ABCA9: variants seen among roughly 807,000 people sequenced by gnomAD.
The protein encoded by ABCA9 is ATP binding cassette subfamily A member 9, also known as ATP-binding cassette sub-family A member 9.
ABCA9 carries 183 observed loss-of-function variants against 205.3 expected under a neutral mutation model. That is an observed-to-expected ratio of 0.89 (90% CI 0.79 to 1.01). The LOEUF (loss-of-function observed/expected upper bound fraction) is 1.01, where lower values mean the gene tolerates loss of function less well. Among genes scored for constraint, ABCA9 ranks in the 50% least tolerant of loss-of-function variants. The probability of loss-of-function intolerance (pLI) is 0.00; values close to 1 mark genes in which losing one functional copy is unlikely to be tolerated. For synonymous variants in ABCA9, 651 were observed against 683.3 expected, an observed-to-expected ratio of 0.95 and a Z score of 0.74; for missense variants, 1,805 against 1,912.4, an observed-to-expected ratio of 0.94 and a Z score of 1.05.
chr17:68,982,228 G>A (rs2069079589), intron 37 of ABCA9, among the ~76,000 whole-genome samples: 1 of 152,088 alleles, frequency 6.6e-6, no homozygotes, highest in African/African-American at 2.4e-5. Flanking sequence ...ATTACAGTAG[G>A]GTACCTTGGC....
At chr17:68,980,963 A>G (rs551458692) in intron 37 of ABCA9, among the ~76,000 whole-genome samples, 1 of 151,894 alleles carries the variant, frequency 6.6e-6, no homozygotes, top group Non-Finnish European at 1.5e-5. Flanking sequence ...CGTGTTGTGG[A>G]TGAATCTAGA....
chr17:69,018,362 A>G (rs1182411785), intron 20 of ABCA9, 51 bp downstream of exon 20: 1 of 1,385,088 alleles, frequency 7.2e-7, no homozygotes, highest in Non-Finnish European at 9.5e-7. Flanking sequence ...TTTGGGGGGA[A>G]TCTCTCAACA....
chr17:69,066,331 T>C, the ABCA9 span, among the ~76,000 whole-genome samples: 12 of 152,090 alleles, frequency 7.9e-5, no homozygotes, highest in Non-Finnish European at 1.8e-4. Flanking sequence ...TTTTAAGTTT[T>C]AAATGTATAA....
At chr17:69,046,410 G>A (rs981761406) in intron 3 of ABCA9, among the ~76,000 whole-genome samples, 1 of 152,054 alleles carries the variant, frequency 6.6e-6, no homozygotes, top group Non-Finnish European at 1.5e-5. Context: ...TTTGCCAGCC[G>A]ATAGGTGTTG....
Position 69,044,534 on chromosome 17 carries a change from A to G in ABCA9, c.536T>C (p.Val179Ala). 3.7e-6 allele frequency: 6 copies of G among 1,613,186 alleles called. No homozygotes were observed. The highest frequency in any genetic ancestry group is 2.2e-5 in the East Asian group (1 of 44,790). Residue 179 changes from valine to alanine, a missense_variant, in exon 5 of 39, where the codon GTA becomes GCA. Physicochemically the swap from Val to Ala is moderately conservative, Grantham distance 64 (BLOSUM62 0). Transcript: ENST00000340001. ...AGCATTAATGGCAGCTTGAAAAGCT[A>G]CAAAGCCTTTCTCCCAGAACTCTGA... ...EGSEFWEKGF[V>A]AFQAAINAAI...
intron 32 of ABCA9, 93 bp downstream of exon 32, chr17:68,986,071 C>A (rs2069227565): frequency 1.0e-5 from 13 of 1,298,110 alleles, no homozygotes; most frequent in Non-Finnish European, 1.2e-5. Context: ...AGCATGGGGT[C>A]ATCAATTACA....
At chr17:68,997,742 A>G (rs1198481668) in intron 25 of ABCA9, among the ~76,000 whole-genome samples, 2 of 152,078 alleles carry the variant, frequency 1.3e-5, no homozygotes, top group Non-Finnish European at 2.9e-5. Context: ...CGCCATTATT[A>G]ACATTCCCCA....
At chr17:69,064,528 C>T (rs2072324610), upstream of ABCA9, among the ~76,000 whole-genome samples, 1 of 152,170 alleles carries the variant, frequency 6.6e-6, no homozygotes, top group Non-Finnish European at 1.5e-5. Flanking sequence ...ATGATTTACC[C>T]AGGAAGCTTT....
At chr17:69,004,141 C>T (rs1249583423) in intron 25 of ABCA9, among the ~76,000 whole-genome samples, 8 of 152,340 alleles carry the variant, frequency 5.3e-5, no homozygotes, top group African/African-American at 1.9e-4. Flanking sequence ...CTCCATCCAG[C>T]TTTGTTCCGT....
At chr17:69,007,254 A>G (rs1354964221) in intron 25 of ABCA9, among the ~76,000 whole-genome samples, 1 of 152,098 alleles carries the variant, frequency 6.6e-6, no homozygotes, top group Non-Finnish European at 1.5e-5. Flanking sequence ...TACAAAAATT[A>G]GCCGGGTGTG....
At chr17:68,992,853 G>T (rs547358040) in intron 27 of ABCA9, among the ~76,000 whole-genome samples, 163 bp downstream of exon 27, 2 of 117,926 alleles carry the variant, frequency 1.7e-5, no homozygotes, top group South Asian at 4.3e-4. Context: ...AAAAGCCATC[G>T]TGTGTGTGTG....
chr17:69,009,507 C>T (rs1398595083), intron 23 of ABCA9, among the ~76,000 whole-genome samples: 1 of 152,156 alleles, frequency 6.6e-6, no homozygotes. Context: ...GAGTAAGATA[C>T]ACCTGGGCCC....
Position 68,983,698 on chromosome 17 carries a change from C to A in ABCA9, c.4640+11G>T. 1.2e-6 allele frequency: 2 copies of A among 1,613,442 alleles called. No individual in the cohort carries two copies. Among genetic ancestry groups the A allele is most frequent in the South Asian group, 1.1e-5 (1 of 90,936 alleles). ...CCAAGGACTGTGATAAAACAAAACA[C>A]CTGTGTCTACCTTTCCTGCTGAGCA... On this transcript the variant is annotated intron_variant, in intron 36 of 38. Coordinates refer to ENST00000340001, the MANE Select transcript of ABCA9 (RefSeq NM_080283.4).
Position 68,992,179 on chromosome 17 carries a change from A to T in ABCA9, c.3712T>A (p.Phe1238Ile). 6.3e-7 allele frequency: 1 copy of T among 1,578,312 alleles called. No homozygotes were observed. Among genetic ancestry groups the T allele is most frequent in the Non-Finnish European group, 8.6e-7 (1 of 1,160,912 alleles). Residue 1238 changes from phenylalanine (F) to isoleucine (I), a missense_variant, in exon 28 of 39, where the codon TTC becomes ATC. Coordinates refer to ENST00000340001, the MANE Select transcript of ABCA9 (RefSeq NM_080283.4). ...ATTCGATTTGATTTTCTCAACCTGA[A>T]CACAGGATCCTTTCTCATTAGTTTC... The part of the protein sequence containing the change: ...RKKLMRKDPV[F>I]RISPRSNAIF...
chr17:69,028,176 T>A (rs1268747103), intron 12 of ABCA9, among the ~76,000 whole-genome samples: 1 of 151,666 alleles, frequency 6.6e-6, no homozygotes, highest in Non-Finnish European at 1.5e-5. Context: ...AATTACATAA[T>A]TTTTTTTTGG....
intron 25 of ABCA9, among the ~76,000 whole-genome samples, chr17:69,001,987 A>G (rs1347719396): frequency 1.3e-5 from 2 of 151,248 alleles, no homozygotes; most frequent in African/African-American, 4.9e-5. Flanking sequence ...TTTTTATTGC[A>G]TCTATTTGAT....
intron 26 of ABCA9, among the ~76,000 whole-genome samples, chr17:68,995,115 G>A (rs1449694767): frequency 6.6e-6 from 1 of 152,100 alleles, no homozygotes; most frequent in African/African-American, 2.4e-5. Context: ...CATAGCCAAT[G>A]GTCTCTTTTC....
At chr17:68,992,971 T>TTG (rs755193667) in intron 27 of ABCA9, 45 bp downstream of exon 27, 8 of 1,461,290 alleles carry the variant, frequency 5.5e-6, no homozygotes. Flanking sequence ...CATACAAAAG[T>TTG]TGTGTTCCCT....
intron 26 of ABCA9, among the ~76,000 whole-genome samples, chr17:68,995,494 A>G (rs2069588443): frequency 6.6e-6 from 1 of 152,140 alleles, no homozygotes; most frequent in Non-Finnish European, 1.5e-5. Context: ...AATCTCAAAT[A>G]TCTAGCTTTA....
Sources: allele counts gnomAD v4.1 joint callset (sites outside exome capture counted in the v4.1 genomes callset), GRCh38; gene constraint gnomAD v4.1.1; transcripts MANE v1.5; gene names NCBI Gene and HGNC (gene_info 2026-07-23, HGNC 2026-07-21).